The following EPHA4 variants were observed in gnomAD, a reference collection of about 807,000 sequenced individuals.
EPHA4 encodes EPH receptor A4, also known as ephrin type-A receptor 4.
Under a neutral mutation model 108.3 loss-of-function variants are expected in EPHA4, and 19 were observed. That is an observed-to-expected ratio of 0.18 (90% CI 0.12 to 0.26). The LOEUF (loss-of-function observed/expected upper bound fraction) is 0.26, where lower values mean the gene tolerates loss of function less well. Ranked by LOEUF, EPHA4 falls within the 10% of genes least tolerant of loss-of-function variation. The pLI, the probability that EPHA4 is intolerant of heterozygous loss-of-function variation, is 1.00. For missense variants in EPHA4, 917 were observed against 1,254.0 expected, an observed-to-expected ratio of 0.73 and a Z score of 4.06; for synonymous variants, 449 against 455.5, an observed-to-expected ratio of 0.99 and a Z score of 0.18.
At position 221,570,350 on chromosome 2, in the gene EPHA4, A is replaced by G. The variant is rs897474052; in HGVS notation, c.92-1565T>C. 3.3e-5 allele frequency among the ~76,000 whole-genome samples: 5 copies of G among 151,890 alleles called. No individual in the cohort carries two copies. In the South Asian group the frequency reaches 1.0e-3, roughly 32 times the overall value. On this transcript the variant is annotated intron_variant, in intron 1 of 17. Coordinates refer to ENST00000281821, the MANE Select transcript of EPHA4 (RefSeq NM_004438.5). ...CCAAAAAAAGAGGGGGTTTAAAAAA[A>G]AGAAAGAAAACAGTCTCTACATCTG...
At chr2:221,454,705 T>C (rs959940353) in intron 8 of EPHA4, among the ~76,000 whole-genome samples, 2 of 152,182 alleles carry the variant, frequency 1.3e-5, no homozygotes, top group African/African-American at 4.8e-5. Context: ...CTGGAGCCTC[T>C]GGGCAGACGA....
intron 5 of EPHA4, among the ~76,000 whole-genome samples, chr2:221,467,502 C>A (rs1056546445): frequency 1.3e-5 from 2 of 152,158 alleles, no homozygotes; most frequent in Non-Finnish European, 2.9e-5. Flanking sequence ...AGAGCTTTTG[C>A]AACTTTTTAA....
chr2:221,510,456 C>G (rs939856089), intron 3 of EPHA4, among the ~76,000 whole-genome samples: 2 of 152,160 alleles, frequency 1.3e-5, no homozygotes, highest in Admixed American at 1.3e-4. Flanking sequence ...TTTCTACGTT[C>G]CATCTCCTCC....
intron 4 of EPHA4, among the ~76,000 whole-genome samples, chr2:221,487,474 C>T (rs1189503595): frequency 6.6e-6 from 1 of 152,174 alleles, no homozygotes; most frequent in Non-Finnish European, 1.5e-5. Context: ...AGGTGATTTA[C>T]TCAGACATGA....
chr2:221,435,092 T>A (rs1157858383), intron 13 of EPHA4, among the ~76,000 whole-genome samples: 1 of 152,130 alleles, frequency 6.6e-6, no homozygotes, highest in Non-Finnish European at 1.5e-5. Context: ...CCCTGAGGTA[T>A]CCCCAGGGCT....
At chr2:221,529,463 G>C (rs1693440233) in intron 3 of EPHA4, among the ~76,000 whole-genome samples, 1 of 152,186 alleles carries the variant, frequency 6.6e-6, no homozygotes, top group East Asian at 1.9e-4. Context: ...ACGCTGACTT[G>C]TACCAATGGA....
intron 3 of EPHA4, among the ~76,000 whole-genome samples, chr2:221,508,586 G>GA (rs10717814): frequency 0.13 from 16,892 of 131,076 alleles, 1,105 homozygotes; most frequent in East Asian, 0.15. Flanking sequence ...CTCAAAACAG[G>GA]AAAAAAAAAA....
At chr2:221,441,204 T>C (rs1690416558) in intron 11 of EPHA4, among the ~76,000 whole-genome samples, 3 of 150,536 alleles carry the variant, frequency 2.0e-5, no homozygotes, top group Non-Finnish European at 3.0e-5. Flanking sequence ...TTTCTTTTTT[T>C]TTTTTTTTTT....
chr2:221,454,146 C>T (rs773259320), intron 8 of EPHA4, among the ~76,000 whole-genome samples: 10 of 152,008 alleles, frequency 6.6e-5, no homozygotes, highest in East Asian at 3.9e-4. Context: ...TGCCACTGTA[C>T]TTCCAGCCTG....
At chr2:221,517,883 A>ACAG (rs1248600449) in intron 3 of EPHA4, among the ~76,000 whole-genome samples, 4 of 152,090 alleles carry the variant, frequency 2.6e-5, no homozygotes, top group Admixed American at 6.5e-5. Context: ...CAGCTGCATG[A>ACAG]CAGCACCCAC....
rs567455212 is a variant in EPHA4 at position 221,497,735 on chromosome 2, C to CA, written c.979+3281dup. 5.1e-3 allele frequency among the ~76,000 whole-genome samples: 729 copies of CA among 143,688 alleles called. 6 individuals carry two copies. The highest frequency in any genetic ancestry group is 0.016 in the African/African-American group (622 of 38,980). The allele number at this position is 143,688 out of a possible 152,430, so 94.3% of individuals were successfully genotyped here. On this transcript the variant is annotated intron_variant, in intron 4 of 17. Transcript: ENST00000281821. ...TGGGTGACAGAGTGAGACTCCATCT[C>CA]AAAAAAAAAATGAAAAAATAAGTAA...
In EPHA4 at chr2:221,466,909, AC is replaced by A. The variant is rs553586264; in HGVS notation, c.1319-8920del. Among the ~76,000 whole-genome samples the A allele has an allele frequency of 8.5e-5, 13 of 152,182 alleles. No individual in the cohort carries two copies. In the East Asian group the frequency reaches 2.3e-3, roughly 27 times the overall value. On this transcript the variant is annotated intron_variant, in intron 5 of 17. Transcript: ENST00000281821. ...TCCTTTCCATGGTAAGAAATAGGAGACTTGAAGGTTTAAGTGACTGTTTTCC... is the reference window on the plus strand; with the variant it reads ...TCCTTTCCATGGTAAGAAATAGGAGATTGAAGGTTTAAGTGACTGTTTTCC...
At chr2:221,565,208 G>C (rs1694593343) in intron 2 of EPHA4, among the ~76,000 whole-genome samples, 1 of 152,148 alleles carries the variant, frequency 6.6e-6, no homozygotes, top group South Asian at 2.1e-4. Context: ...TATGACTGAA[G>C]GCCCAAGAAA....
Position 221,566,854 on chromosome 2 carries a change from G to GAGAAGGAGAAGA in EPHA4, c.159+1863_159+1864insTCTTCTCCTTCT, listed in dbSNP as rs1694653016. On this transcript the variant is annotated intron_variant, in intron 2 of 17. Coordinates refer to ENST00000281821, the MANE Select transcript of EPHA4 (RefSeq NM_004438.5). ...GAAGGAGAAGAAGGAGAAGGAGAAG[G>GAGAAGGAGAAGA]AGAAGAAGAAGAAGAAGAAGAAGGA... Among the ~76,000 whole-genome samples, 4 of 53,282 alleles carry GAGAAGGAGAAGA rather than the reference G, an allele frequency of 7.5e-5. 1 individual carries two copies. The highest frequency in any genetic ancestry group is 1.4e-4 in the Non-Finnish European group (4 of 28,572). 35.0% of individuals were successfully genotyped at this position (53,282 alleles called of 152,430 possible).
chr2:221,430,796 A>T (rs1006038884), intron 14 of EPHA4, among the ~76,000 whole-genome samples: 3 of 152,266 alleles, frequency 2.0e-5, no homozygotes, highest in Non-Finnish European at 4.4e-5. Flanking sequence ...ATTTTTTTTA[A>T]AAAAGTAAAA....
chr2:221,548,466 CCTGAGGCCTCACCAGAAGCCAAGCAGTTG>C (rs1330388838), intron 3 of EPHA4, among the ~76,000 whole-genome samples: 10 of 152,136 alleles, frequency 6.6e-5, no homozygotes, highest in Non-Finnish European at 1.5e-5. Flanking sequence ...GTAAAAGCTT[CCTGAGGCCTCACCAGAAGCCAAGCAGTTG>C]CTGAGGCCAT....
chr2:221,498,160 GC>G (rs1242208634), intron 4 of EPHA4, among the ~76,000 whole-genome samples: 4 of 152,286 alleles, frequency 2.6e-5, no homozygotes, highest in Non-Finnish European at 5.9e-5. Context: ...CCCCTTAAAT[GC>G]TAAACAGGTC....
At chr2:221,574,186 A>C (rs1694931331), upstream of EPHA4, 3 of 152,082 alleles carry the variant, frequency 2.0e-5, no homozygotes. Context: ...TTACTTTTAC[A>C]CAAGATGAGC....
chr2:221,434,354 T>G (rs1274422911), intron 13 of EPHA4, 63 bp from the exon 14 acceptor site: 1 of 1,556,180 alleles, frequency 6.4e-7, no homozygotes, highest in Non-Finnish European at 8.7e-7. Context: ...TTTTAGATTC[T>G]GAATGTAGTT....
Sources: gnomAD v4.1 joint callset for allele counts (sites outside exome capture counted in the v4.1 genomes callset) on GRCh38, gnomAD v4.1.1 for gene constraint, MANE v1.5 for transcripts, NCBI Gene and HGNC (gene_info 2026-07-23, HGNC 2026-07-21) for gene names.